CDC73: variants seen among roughly 807,000 people sequenced by gnomAD.
CDC73 encodes the protein cell division cycle 73, also known as parafibromin.
CDC73 carries 21 observed loss-of-function variants against 83.7 expected under a neutral mutation model. The ratio of observed to expected loss-of-function variants is 0.25; its 90% confidence interval spans 0.18 to 0.36. The LOEUF (loss-of-function observed/expected upper bound fraction) is 0.36. CDC73 is among the 10% of genes least tolerant of loss of function. The pLI is 1.00. For missense variants in CDC73, 342 were observed against 653.3 expected (o/e 0.52, Z 5.19); for synonymous variants, 224 against 212.9 (o/e 1.05, Z -0.45).
chr1:193,198,262 C>T (rs1406951447), intron 10 of CDC73, among the ~76,000 whole-genome samples: 2 of 152,098 alleles, frequency 1.3e-5, no homozygotes, highest in Non-Finnish European at 2.9e-5. Flanking sequence ...GTCTGAATGC[C>T]TCCCAAAATT....
chr1:193,133,721 T>C (rs1675736382), intron 3 of CDC73, among the ~76,000 whole-genome samples: 1 of 152,174 alleles, frequency 6.6e-6, no homozygotes, highest in South Asian at 2.1e-4. Flanking sequence ...TATGTTAATA[T>C]TTCAACTCAT....
intron 1 of CDC73, chr1:193,122,593 AT>A: frequency 2.2e-6 from 1 of 454,966 alleles, no homozygotes; most frequent in Non-Finnish European, 4.1e-6. Context: ...TTTACAGTTA[AT>A]TTTTATCAGT....
At position 193,203,833 on chromosome 1, in the gene CDC73, C is replaced by T. The variant is rs372567546; in HGVS notation, c.1011C>T (p.Ala337=). ...ASARKTQTPA[A]QPVPRPVSQA... is the part of the protein sequence containing the mutation. The stretch of plus-strand genomic sequence containing the variant: ...CCCGGAAGACTCAGACTCCTGCAGC[C>T]CAGCCAGTACCAAGACCAGGTAGAA... Residue 337 remains alanine, a synonymous_variant, in exon 11 of 17, where the codon GCC becomes GCT. Coordinates refer to ENST00000367435, the MANE Select transcript of CDC73 (RefSeq NM_024529.5). 19 of 1,613,572 alleles carry T rather than the reference C, an allele frequency of 1.2e-5. No homozygotes were observed. Among genetic ancestry groups the T allele is most frequent in the Middle Eastern group, 3.3e-4 (2 of 6,082 alleles).
chr1:193,147,577 C>T (rs530005689), intron 7 of CDC73, among the ~76,000 whole-genome samples: 1 of 152,020 alleles, frequency 6.6e-6, no homozygotes, highest in Non-Finnish European at 1.5e-5. Flanking sequence ...CCTGTGTTAG[C>T]CAGGGTGGTC....
At chr1:193,163,170 TG>T (rs1676371879) in intron 10 of CDC73, among the ~76,000 whole-genome samples, 1 of 151,484 alleles carries the variant, frequency 6.6e-6, no homozygotes, top group Admixed American at 6.6e-5. Flanking sequence ...TGTGTGTGTG[TG>T]TGTGTGGGTG....
At chr1:193,212,746 T>C (rs539716627) in intron 13 of CDC73, among the ~76,000 whole-genome samples, 2 of 152,276 alleles carry the variant, frequency 1.3e-5, no homozygotes, top group Non-Finnish European at 2.9e-5. Context: ...TGTTTTCTTT[T>C]GATGATTTTC....
At chr1:193,239,356 A>T (rs1445152811) in intron 15 of CDC73, among the ~76,000 whole-genome samples, 2 of 151,850 alleles carry the variant, frequency 1.3e-5, no homozygotes, top group Non-Finnish European at 2.9e-5. Context: ...TACACTGTAC[A>T]GCATTGGGGG....
intron 13 of CDC73, among the ~76,000 whole-genome samples, chr1:193,227,730 G>A (rs1369955179): frequency 2.6e-5 from 4 of 152,024 alleles, no homozygotes; most frequent in South Asian, 4.1e-4. Context: ...TATAACATTC[G>A]TCATATTTGA....
intron 15 of CDC73, among the ~76,000 whole-genome samples, chr1:193,246,392 G>T (rs1677954280): frequency 6.6e-6 from 1 of 152,008 alleles, no homozygotes; most frequent in Non-Finnish European, 1.5e-5. Context: ...AAGTTAAATT[G>T]TTCTTGTTTG....
At chr1:193,217,791 C>G (rs1158017753) in intron 13 of CDC73, among the ~76,000 whole-genome samples, 3 of 152,078 alleles carry the variant, frequency 2.0e-5, no homozygotes, top group Non-Finnish European at 2.9e-5. Flanking sequence ...GGGTGGAGCC[C>G]TAGCCAGGGA....
At chr1:193,228,883 T>C (rs1677608933) in intron 13 of CDC73, among the ~76,000 whole-genome samples, 1 of 152,154 alleles carries the variant, frequency 6.6e-6, no homozygotes, top group Non-Finnish European at 1.5e-5. Flanking sequence ...ATTGCACATT[T>C]GTAACAGAAA....
At chr1:193,129,487 A>AATTTATTT (rs67384798) in intron 2 of CDC73, among the ~76,000 whole-genome samples, 14,419 of 142,722 alleles carry the variant, frequency 0.1, 867 homozygotes, top group Middle Eastern at 0.12. Flanking sequence ...TTCAAAAAGA[A>AATTTATTT]ATTTATTTAT....
intron 11 of CDC73, among the ~76,000 whole-genome samples, chr1:193,204,222 T>TATAC (rs1208605724): frequency 7.7e-5 from 1 of 13,060 alleles, no homozygotes; most frequent in African/African-American, 3.0e-4. Context: ...TATATGTATA[T>TATAC]ATATGTATAT....
At chr1:193,239,747 A>C (rs2102065074) in intron 15 of CDC73, among the ~76,000 whole-genome samples, 1 of 152,208 alleles carries the variant, frequency 6.6e-6, no homozygotes, top group East Asian at 1.9e-4. Context: ...TGTTTTGGGA[A>C]CATTTCAAGT....
intron 15 of CDC73, among the ~76,000 whole-genome samples, chr1:193,248,026 G>T (rs142327532): frequency 6.6e-6 from 1 of 152,270 alleles, no homozygotes; most frequent in Non-Finnish European, 1.5e-5. Context: ...AGATGAAACA[G>T]CCTGTTATTG....
Position 193,209,820 on chromosome 1 carries a change from A to G in CDC73, c.1031-2245A>G, listed in dbSNP as rs370886887. ...TGTGGATTTCCTTACCAAATCCAAC[A>G]GTACTTCAGTCAGAGATTTCTCCCT... On this transcript the variant is annotated intron_variant, in intron 11 of 16. Coordinates refer to ENST00000367435, the MANE Select transcript of CDC73 (RefSeq NM_024529.5). Among the ~76,000 whole-genome samples the G allele has an allele frequency of 3.9e-5, 6 of 152,222 alleles. 1 individual carries two copies. The highest frequency in any genetic ancestry group is 1.4e-4 in the African/African-American group (6 of 41,522).
At chr1:193,136,500 C>T (rs372093002) in intron 5 of CDC73, 36 of 285,738 alleles carry the variant, frequency 1.3e-4, no homozygotes, top group African/African-American at 3.4e-4. Context: ...CTCATGTAAT[C>T]GTATTTGCTC....
chr1:193,171,442 C>A (rs1676517206), intron 10 of CDC73, among the ~76,000 whole-genome samples: 1 of 152,116 alleles, frequency 6.6e-6, no homozygotes, highest in South Asian at 2.1e-4. Flanking sequence ...TTCCAAGTTC[C>A]TTCGGGTTGT....
At chr1:193,201,174 A>G (rs1289186872) in intron 10 of CDC73, among the ~76,000 whole-genome samples, 1 of 152,144 alleles carries the variant, frequency 6.6e-6, no homozygotes, top group Non-Finnish European at 1.5e-5. Context: ...AGCCTTGAGA[A>G]GACAAAATTA....
Sources: allele counts gnomAD v4.1 joint callset (sites outside exome capture counted in the v4.1 genomes callset), GRCh38; gene constraint gnomAD v4.1.1; transcripts MANE v1.5; gene names NCBI Gene and HGNC (gene_info 2026-07-23, HGNC 2026-07-21).